Variants in RAC2 observed in about 807,000 individuals in gnomAD.
The protein encoded by RAC2 is Rac family small GTPase 2.
RAC2 carries 1 observed loss-of-function variant against 24.0 expected under a neutral mutation model. The ratio of observed to expected loss-of-function variants is 0.04; its 90% confidence interval spans 0.01 to 0.20. The LOEUF (loss-of-function observed/expected upper bound fraction) is 0.20. RAC2 is among the 10% of genes least tolerant of loss of function. The pLI is 1.00. For missense variants in RAC2, 130 were observed against 259.1 expected, an observed-to-expected ratio of 0.50 and a Z score of 3.42; for synonymous variants, 114 against 106.8, an observed-to-expected ratio of 1.07 and a Z score of -0.41.
At chr22:37,228,241 T>A (rs1033643200) in intron 5 of RAC2, among the ~76,000 whole-genome samples, 5 of 151,796 alleles carry the variant, frequency 3.3e-5, no homozygotes, top group African/African-American at 9.7e-5. Context: ...CTGGGAGGAG[T>A]GGCATTGGAG....
chr22:37,241,016 G>A (rs1343116464), intron 2 of RAC2: 2 of 717,334 alleles, frequency 2.8e-6, no homozygotes, highest in Non-Finnish European at 2.6e-6. Context: ...AAATGTCCTA[G>A]GAGTGATGGG....
At chr22:37,237,407 C>G (rs1373588624) in intron 2 of RAC2, among the ~76,000 whole-genome samples, 1 of 151,986 alleles carries the variant, frequency 6.6e-6, no homozygotes, top group Non-Finnish European at 1.5e-5. Flanking sequence ...CAGGAGGGAA[C>G]AGAATACCCA....
chr22:37,240,554 C>A (rs1927356983), intron 2 of RAC2, among the ~76,000 whole-genome samples: 1 of 152,228 alleles, frequency 6.6e-6, no homozygotes, highest in African/African-American at 2.4e-5. Flanking sequence ...CCCACGATGT[C>A]CAAGTCAGGT....
intron 2 of RAC2, among the ~76,000 whole-genome samples, chr22:37,235,805 G>T (rs1035887577): frequency 2.0e-5 from 3 of 152,204 alleles, no homozygotes; most frequent in Non-Finnish European, 4.4e-5. Context: ...AGCCCCACAA[G>T]ATTCACCTGT....
intron 3 of RAC2, 44 bp from the exon 4 acceptor site, chr22:37,232,038 G>C: frequency 6.5e-7 from 1 of 1,541,896 alleles, no homozygotes; most frequent in African/African-American, 1.4e-5. Context: ...AGGGCCCAGA[G>C]GTGTCCCACC....
intron 2 of RAC2, among the ~76,000 whole-genome samples, chr22:37,237,185 CAGGA>C (rs892658974): frequency 4.8e-5 from 6 of 125,530 alleles, no homozygotes; most frequent in Admixed American, 1.1e-4. Context: ...GAGACTCCGT[CAGGA>C]AGGAAGGAAG....
intron 1 of RAC2, 138 bp from the exon 2 acceptor site, chr22:37,241,796 GC>G: frequency 2.6e-6 from 2 of 759,050 alleles, no homozygotes; most frequent in Non-Finnish European, 4.7e-6. Context: ...CATGTGAGAT[GC>G]CCCCTGTCTG....
At chr22:37,237,205 GAGGA>G (rs968406614) in intron 2 of RAC2, among the ~76,000 whole-genome samples, 5 of 143,758 alleles carry the variant, frequency 3.5e-5, no homozygotes, top group Admixed American at 2.1e-4. Context: ...GGAAGGAAGG[GAGGA>G]AGGGAGGGAG....
At chr22:37,242,152 G>A (rs986339308) in intron 1 of RAC2, among the ~76,000 whole-genome samples, 1 of 152,144 alleles carries the variant, frequency 6.6e-6, no homozygotes, top group Non-Finnish European at 1.5e-5. Flanking sequence ...TAAATCCAAC[G>A]AGGCCTATCA....
At chr22:37,230,080 G>T (rs1476618803) in intron 5 of RAC2, among the ~76,000 whole-genome samples, 2 of 152,138 alleles carry the variant, frequency 1.3e-5, no homozygotes, top group Non-Finnish European at 2.9e-5. Flanking sequence ...GGAAAGACTT[G>T]CAGGCTGGGG....
chr22:37,241,198 G>A, intron 2 of RAC2: 1 of 775,940 alleles, frequency 1.3e-6, no homozygotes, highest in Non-Finnish European at 2.4e-6. Flanking sequence ...CCCTCAGCAT[G>A]CCTTGTCCCC....
At chr22:37,229,633 C>T (rs1273377748) in intron 5 of RAC2, among the ~76,000 whole-genome samples, 2 of 152,208 alleles carry the variant, frequency 1.3e-5, no homozygotes, top group African/African-American at 4.8e-5. Context: ...GCCAGTCCCC[C>T]CAGGACTCCC....
At position 37,232,819 on chromosome 22, in the gene RAC2, C is replaced by G. The variant is rs755454147; in HGVS notation, c.207G>C (p.Pro69=). The change falls in exon 3 of 7, where the codon CCG becomes CCC. Residue 69 remains proline, a synonymous_variant. Coordinates refer to ENST00000249071, the MANE Select transcript of RAC2 (RefSeq NM_002872.5). The part of the protein sequence containing the change: ...AGQEDYDRLR[P]LSYPQTDVFL... ...AGCACACCGTCTGTGGATAGGAGAG[C>G]GGCCGGAGACGGTCGTAGTCCTCCT... The G allele has an allele frequency of 3.7e-6, 6 of 1,613,448 alleles. No individual in the cohort carries two copies. Among genetic ancestry groups the G allele is most frequent in the Non-Finnish European group, 5.1e-6 (6 of 1,179,570 alleles).
rs371789770 is a variant in RAC2 at position 37,226,673 on chromosome 22, C to T, written c.579G>A (p.Ter193=). ...GCACTAGAGTGGGGGACTCTTACCC[C>T]TAGAGGAGGCTGCAGGCGCGCTTCT... is the stretch of plus-strand genomic sequence containing the variant. ...RQQKRACSLL[*] is the part of the protein sequence containing the mutation. The change falls in exon 6 of 7, where the codon TAG becomes TAA. Residue 193 remains the stop codon, a splice_region_variant and stop_retained_variant. Transcript: ENST00000249071. 2.3e-5 allele frequency: 37 copies of T among 1,612,546 alleles called. No individual in the cohort carries two copies. The Middle Eastern group carries it at 1.2e-3, about 50-fold the overall frequency.
chr22:37,236,201 C>T (rs1036577525), intron 2 of RAC2, among the ~76,000 whole-genome samples: 1 of 152,184 alleles, frequency 6.6e-6, no homozygotes, highest in Non-Finnish European at 1.5e-5. Flanking sequence ...GTTCAAGCCA[C>T]CCCACTGGGA....
At position 37,232,471 on chromosome 22, in the gene RAC2, C is replaced by A. The variant is rs56016773; in HGVS notation, c.225+330G>T. The A allele has an allele frequency of 1.6e-3, 706 of 451,904 alleles. 2 individuals are homozygous for A. The highest frequency in any genetic ancestry group is 0.013 in the African/African-American group (664 of 50,466). The allele number at this position is 451,904 out of a possible 1,614,324, so 28.0% of individuals were successfully genotyped here. On this transcript the variant is annotated intron_variant, in intron 3 of 6. Coordinates refer to ENST00000249071, the MANE Select transcript of RAC2 (RefSeq NM_002872.5). ...GGCATCCTCCACCTCTCCCCTCCCC[C>A]AGCACTCCCAGGGCTCACCATGCTG... is the stretch of plus-strand genomic sequence containing the variant.
At chr22:37,241,532 C>T (rs1927391110) in intron 2 of RAC2, 55 bp downstream of exon 2, 3 of 1,552,562 alleles carry the variant, frequency 1.9e-6, no homozygotes, top group Admixed American at 1.7e-5. Context: ...GGGGGGTCGA[C>T]TTGGTGACGG....
chr22:37,227,744 G>T (rs770573441), intron 5 of RAC2, among the ~76,000 whole-genome samples: 5 of 140,766 alleles, frequency 3.6e-5, no homozygotes, highest in African/African-American at 7.9e-5. Context: ...TCTGGGGGCC[G>T]CCATCCAGTC....
chr22:37,237,281 G>A (rs1927257880), intron 2 of RAC2, among the ~76,000 whole-genome samples: 1 of 151,676 alleles, frequency 6.6e-6, no homozygotes, highest in Non-Finnish European at 1.5e-5. Flanking sequence ...TTAGGGAGGG[G>A]CCAGAGGGGA....
Sources: gnomAD v4.1 joint callset for allele counts (sites outside exome capture counted in the v4.1 genomes callset) on GRCh38, gnomAD v4.1.1 for gene constraint, MANE v1.5 for transcripts, NCBI Gene and HGNC (gene_info 2026-07-23, HGNC 2026-07-21) for gene names.